The following WDR6 variants were observed in gnomAD, a reference collection of about 807,000 sequenced individuals.
The protein encoded by WDR6 is tRNA (34-2'-O)-methyltransferase regulator WDR6.
A neutral mutation model predicts 85.6 loss-of-function variants in WDR6; 58 were observed. That is an observed-to-expected ratio of 0.68 (90% confidence interval 0.55 to 0.84). The LOEUF is 0.84. Among genes scored for constraint, WDR6 ranks in the 40% least tolerant of loss-of-function variants. The pLI is 0.00. For synonymous variants in WDR6, 569 were observed against 582.2 expected (o/e 0.98, Z 0.33); for missense variants, 1,310 against 1,476.4 (o/e 0.89, Z 1.85).
chr3:49,010,052 A>T (rs973155642), intron 1 of WDR6, among the ~76,000 whole-genome samples: 1 of 151,840 alleles, frequency 6.6e-6, no homozygotes, highest in Non-Finnish European at 1.5e-5. Context: ...ATTAAAAAAA[A>T]AAAGTGAGGT....
chr3:49,008,735 C>T (rs1231174038), intron 1 of WDR6, among the ~76,000 whole-genome samples: 1 of 152,170 alleles, frequency 6.6e-6, no homozygotes, highest in Non-Finnish European at 1.5e-5. Flanking sequence ...TCCCTAAGGG[C>T]AGTGGGGAGA....
chr3:49,007,440 T>C lies in WDR6; in HGVS notation c.9T>C (p.Ala3=). 1.9e-6 allele frequency: 3 copies of C among 1,611,662 alleles called. No homozygotes were observed. The highest frequency in any genetic ancestry group is 1.1e-5 in the South Asian group (1 of 90,604). Residue 3 remains alanine, a synonymous_variant, in exon 1 of 6, where the codon GCT becomes GCC. Coordinates refer to ENST00000608424, the MANE Select transcript of WDR6 (RefSeq NM_018031.6). The surrounding 1 kb of genome is among the most constrained non-coding windows in gnomAD (Gnocchi z 5.1). The part of the protein sequence containing the change: MD[A]LEDYVWPRAT... Reference sequence around the variant, plus strand: ...GCACCTCGAGGATCGACATGGACGCTCTCGAGGACTACGTTTGGCCGCGGG... The same window carrying C: ...GCACCTCGAGGATCGACATGGACGCCCTCGAGGACTACGTTTGGCCGCGGG...
At chr3:49,011,496 TAA>T in intron 1 of WDR6, 137 bp from the exon 2 acceptor site, 1 of 1,609,048 alleles carries the variant, frequency 6.2e-7, no homozygotes, top group Non-Finnish European at 8.5e-7. Context: ...AAGGATTTTC[TAA>T]GATTCAAGCT....
chr3:49,015,439 A>C lies in WDR6; in HGVS notation c.*151A>C, dbSNP rs925203661. The stretch of plus-strand genomic sequence containing the variant: ...GATGTCGGTGCAGGAGCTGAAGGTG[A>C]GTGGAGTGCTGCCAAGAATATGCCC... On this transcript the variant is annotated 3_prime_UTR_variant, in exon 6 of 6. Transcript: ENST00000608424. 8.5e-6 allele frequency: 12 copies of C among 1,405,268 alleles called. No homozygotes were observed. The highest frequency in any genetic ancestry group is 2.8e-5 in the African/African-American group (2 of 70,320). 87.0% of individuals were successfully genotyped at this position (1,405,268 alleles called of 1,614,324 possible).
At position 49,007,568 on chromosome 3, in the gene WDR6, GGAAA is replaced by G; in HGVS notation, c.100+42_100+45del. The G allele has an allele frequency of 6.4e-7, 1 of 1,560,606 alleles. No homozygotes were observed. Among genetic ancestry groups the G allele is most frequent in the Non-Finnish European group, 8.7e-7 (1 of 1,145,830 alleles). On this transcript the variant is annotated intron_variant, in intron 1 of 5. Coordinates refer to ENST00000608424, the MANE Select transcript of WDR6 (RefSeq NM_018031.6). The surrounding 1 kb of genome is among the most constrained non-coding windows in gnomAD (Gnocchi z 5.1). ...CTTGAGGCACGCCTGGTGGAAAGGG[GGAAA>G]GAAACAGCGCCTCCCAGGGGCGGTG...
rs1559901298 is a variant in WDR6 at position 49,015,616 on chromosome 3, A to T, written c.*328A>T. ...AATGTGGCTCAGTGGAGGGAGACCCAGCATAGCCAGGCCAGTATGGAGCAC... is the reference window on the plus strand; with the variant it reads ...AATGTGGCTCAGTGGAGGGAGACCCTGCATAGCCAGGCCAGTATGGAGCAC... On this transcript the variant is annotated 3_prime_UTR_variant, in exon 6 of 6. Coordinates refer to ENST00000608424, the MANE Select transcript of WDR6 (RefSeq NM_018031.6). 1 of 1,614,154 alleles carries T rather than the reference A, an allele frequency of 6.2e-7. No individual in the cohort carries two copies. Among genetic ancestry groups the T allele is most frequent in the Non-Finnish European group, 8.5e-7 (1 of 1,180,038 alleles).
Position 49,013,075 on chromosome 3 carries a change from C to G in WDR6, c.1541C>G (p.Ser514Cys). 2 of 1,611,160 alleles carry G rather than the reference C, an allele frequency of 1.2e-6. No individual in the cohort carries two copies. Among genetic ancestry groups the G allele is most frequent in the East Asian group, 2.2e-5 (1 of 44,800 alleles). Reference protein sequence around the residue: ...DFLVCGDRRGSVLLFPSRPGL... With the variant: ...DFLVCGDRRGCVLLFPSRPGL... ...CTGGTGTGTGGTGACCGCCGGGGCT[C>G]TGTGCTGCTATTCCCCTCCAGACCA... The change falls in exon 2 of 6, where the codon TCT (serine) becomes TGT (cysteine). Residue 514 changes from serine (S) to cysteine (C), a missense_variant. Coordinates refer to ENST00000608424, the MANE Select transcript of WDR6 (RefSeq NM_018031.6). The surrounding 1 kb of genome is among the most constrained non-coding windows in gnomAD (Gnocchi z 4.6).
chr3:49,015,735 ATCC>A lies in WDR6; in HGVS notation c.*450_*452del. 1 of 1,614,126 alleles carries A rather than the reference ATCC, an allele frequency of 6.2e-7. No individual in the cohort carries two copies. The highest frequency in any genetic ancestry group is 1.1e-5 in the South Asian group (1 of 91,086). On this transcript the variant is annotated 3_prime_UTR_variant, in exon 6 of 6. Transcript: ENST00000608424. ...GAAAGAGAAAGGGCCTGCTGGTCTC[ATCC>A]TCTGCTTCCTTTGCCTTTACCCTAT...
Position 49,011,903 on chromosome 3 carries a change from C to G in WDR6, c.369C>G (p.Arg123=). Residue 123 remains arginine (R), a synonymous_variant, in exon 2 of 6, where the codon CGC becomes CGG. Coordinates refer to ENST00000608424, the MANE Select transcript of WDR6 (RefSeq NM_018031.6). ...TGTCTGACTGGATTTGGGATGCACG[C>G]TGGCTTGAGGGAAATATAGCCTTGG... ...WNMSDWIWDA[R]WLEGNIALAL... 2 of 1,614,210 alleles carry G rather than the reference C, an allele frequency of 1.2e-6. No homozygotes were observed. Among genetic ancestry groups the G allele is most frequent in the African/African-American group, 2.7e-5 (2 of 75,050 alleles).
In WDR6 at chr3:49,013,482, A is replaced by G. The variant is rs760267868; in HGVS notation, c.1948A>G (p.Ile650Val). ...CCCTCGGTCACACGAGAAGCTGCAC[A>G]TCGTCAACTGTGGTGGAGGGCACCG... ...WNPRSHEKLH[I>V]VNCGGGHRSW... The change falls in exon 2 of 6, where the codon ATC becomes GTC. Residue 650 changes from isoleucine to valine, a missense_variant. Ile to Val is a conservative substitution (Grantham distance 29). Coordinates refer to ENST00000608424, the MANE Select transcript of WDR6 (RefSeq NM_018031.6). The surrounding 1 kb of genome is among the most constrained non-coding windows in gnomAD (Gnocchi z 4.6). 9 of 1,614,092 alleles carry G rather than the reference A, an allele frequency of 5.6e-6. No homozygotes were observed. The highest frequency in any genetic ancestry group is 7.6e-6 in the Non-Finnish European group (9 of 1,180,004).
rs756405689 is a variant in WDR6 at position 49,015,769 on chromosome 3, T to G, written c.*481T>G. ...TTCCTTTGCCTTTACCCTATACCTC[T>G]CTGCACGTCCCACCCCATTTTGCTG... On this transcript the variant is annotated 3_prime_UTR_variant, in exon 6 of 6. Coordinates refer to ENST00000608424, the MANE Select transcript of WDR6 (RefSeq NM_018031.6). 3.1e-6 allele frequency: 5 copies of G among 1,614,100 alleles called. No individual in the cohort carries two copies. In the South Asian group the frequency reaches 5.5e-5, roughly 18 times the overall value.
intron 1 of WDR6, among the ~76,000 whole-genome samples, chr3:49,009,380 C>T (rs1559894589): frequency 2.9e-5 from 4 of 139,054 alleles, no homozygotes; most frequent in Non-Finnish European, 6.0e-5. Flanking sequence ...CTAACTGCTG[C>T]TTATCCTTGA....
In WDR6 at chr3:49,015,030, G is replaced by A. The variant is rs903562504; in HGVS notation, c.3108G>A (p.Glu1036=). Residue 1036 remains glutamate, a synonymous_variant, in exon 6 of 6, where the codon GAG becomes GAA. Coordinates refer to ENST00000608424, the MANE Select transcript of WDR6 (RefSeq NM_018031.6). ...TGGTACCCCAGCTGCGTGTGCTAGA[G>A]GAATACTCTGTCCCCTGTGCACATG... ...AGLVPQLRVL[E]EYSVPCAHAA... The A allele has an allele frequency of 1.9e-6, 3 of 1,614,028 alleles. No homozygotes were observed. The highest frequency in any genetic ancestry group is 1.3e-5 in the African/African-American group (1 of 74,920).
At position 49,015,764 on chromosome 3, in the gene WDR6, A is replaced by T; in HGVS notation, c.*476A>T. On this transcript the variant is annotated 3_prime_UTR_variant, in exon 6 of 6. Coordinates refer to ENST00000608424, the MANE Select transcript of WDR6 (RefSeq NM_018031.6). ...TCTGCTTCCTTTGCCTTTACCCTAT[A>T]CCTCTCTGCACGTCCCACCCCATTT... is the stretch of plus-strand genomic sequence containing the variant. 1 of 1,613,502 alleles carries T rather than the reference A, an allele frequency of 6.2e-7. No homozygotes were observed. Among genetic ancestry groups the T allele is most frequent in the Non-Finnish European group, 8.5e-7 (1 of 1,179,868 alleles).
In WDR6 at chr3:49,014,414, C is replaced by T. The variant is rs1405214827; in HGVS notation, c.2698C>T (p.Leu900=). ...LFLLQDSGRI[L]QLLAETFHHK... is the part of the protein sequence containing the mutation. The stretch of plus-strand genomic sequence containing the variant: ...TCTTTTGCAGGATTCTGGGCGGATT[C>T]TGCAGCTCCTTGCTGAAACCTTCCA... The change falls in exon 4 of 6, where the codon CTG becomes TTG. Residue 900 remains leucine (L), a synonymous_variant. Coordinates refer to ENST00000608424, the MANE Select transcript of WDR6 (RefSeq NM_018031.6). This position sits in a 1 kb window ranked among gnomAD's most constrained non-coding sequence, Gnocchi z 4.9. 11 of 1,614,048 alleles carry T rather than the reference C, an allele frequency of 6.8e-6. No individual in the cohort carries two copies. Among genetic ancestry groups the T allele is most frequent in the Non-Finnish European group, 9.3e-6 (11 of 1,180,038 alleles).
rs1207878808 is a variant in WDR6, at chr3:49,015,493, A to G, written c.*205A>G. 2.5e-6 allele frequency: 4 copies of G among 1,568,718 alleles called. No homozygotes were observed. The African/African-American group carries it at 5.4e-5, about 21-fold the overall frequency. ...TCCCCATGACAAGACAGAACTTTGTAACAAACAGTACCAATTTATTTTGGC... is the reference window on the plus strand; with the variant it reads ...TCCCCATGACAAGACAGAACTTTGTGACAAACAGTACCAATTTATTTTGGC... On this transcript the variant is annotated 3_prime_UTR_variant, in exon 6 of 6. Transcript: ENST00000608424.
chr3:49,010,291 A>G (rs2093007491), intron 1 of WDR6, among the ~76,000 whole-genome samples: 1 of 151,868 alleles, frequency 6.6e-6, no homozygotes, highest in Non-Finnish European at 1.5e-5. Flanking sequence ...CTGTAGTCCC[A>G]GCTACTTGGG....
Position 49,007,391 on chromosome 3 carries a change from C to G in WDR6, c.-41C>G. 4 of 1,587,698 alleles carry G rather than the reference C, an allele frequency of 2.5e-6. No homozygotes were observed. The highest frequency in any genetic ancestry group is 3.4e-6 in the Non-Finnish European group (4 of 1,167,356). ...GGCTCGTTCTCGCGAGAGTTCAGCT[C>G]CCTTCTTAGCCGTGGCTGCCTCAGC... On this transcript the variant is annotated 5_prime_UTR_variant, in exon 1 of 6. Transcript: ENST00000608424. This position sits in a 1 kb window ranked among gnomAD's most constrained non-coding sequence, Gnocchi z 5.1.
rs1358803273 is a variant in WDR6, at chr3:49,014,524, T to C, written c.2783+25T>C. On this transcript the variant is annotated intron_variant, in intron 4 of 5. Transcript: ENST00000608424. The surrounding 1 kb of genome is among the most constrained non-coding windows in gnomAD (Gnocchi z 4.9). Reference sequence around the variant, plus strand: ...GGTGAGAGGGGCTGGATGATGGTCCTGCATGGGCTGGGTTGGGGGGTTCCT... The same window carrying C: ...GGTGAGAGGGGCTGGATGATGGTCCCGCATGGGCTGGGTTGGGGGGTTCCT... The C allele has an allele frequency of 6.2e-7, 1 of 1,613,832 alleles. No homozygotes were observed. The highest frequency in any genetic ancestry group is 8.5e-7 in the Non-Finnish European group (1 of 1,179,850).
Sources: gnomAD v4.1 joint callset for allele counts (sites outside exome capture counted in the v4.1 genomes callset) on GRCh38, gnomAD v4.1.1 for gene constraint, Gnocchi (gnomAD v3.1) non-coding constraint, MANE v1.5 for transcripts, NCBI Gene and HGNC (gene_info 2026-07-23, HGNC 2026-07-21) for gene names.